Variants in DMD observed in about 807,000 individuals in gnomAD.
The protein encoded by DMD is mutant dystrophin.
A neutral mutation model predicts 330.1 loss-of-function variants in DMD; 63 were observed. That is an observed-to-expected ratio of 0.19 (90% confidence interval 0.16 to 0.24). DMD has a LOEUF of 0.24. Among genes scored for constraint, DMD ranks in the 10% least tolerant of loss-of-function variants. The pLI is 1.00. For synonymous variants in DMD, 1,223 were observed against 959.8 expected, an observed-to-expected ratio of 1.27 and a Z score of -5.07; for missense variants, 3,344 against 2,684.1, an observed-to-expected ratio of 1.25 and a Z score of -5.43.
At chrX:32,415,405 G>A (rs932448003) in intron 29 of DMD, among the ~76,000 whole-genome samples, 2 of 111,681 alleles carry the variant, frequency 1.8e-5, no homozygotes, top group African/African-American at 6.5e-5. Flanking sequence ...CTCAGTCATT[G>A]AAAAGACCTC....
chrX:32,325,730 C>A (rs181373804), intron 41 of DMD, among the ~76,000 whole-genome samples: 1 of 110,938 alleles, frequency 9.0e-6, no homozygotes, highest in Admixed American at 9.6e-5. Context: ...AATTTAACAG[C>A]CAATGGCTAA....
At chrX:31,126,802 G>GT in intron 77 of DMD, 129 bp from the exon 78 acceptor site, 5 of 152,963 alleles carry the variant, frequency 3.3e-5, no homozygotes, top group East Asian at 1.1e-4. Flanking sequence ...ATTCTCTGCT[G>GT]GAAAAAAAAA....
In DMD at chrX:33,076,411, T is replaced by A. The variant is rs1006827696; in HGVS notation, c.32-56211A>T. ...GTGGGCAAGGTGAACCTGATGGCAA[T>A]TGCAGTATGTATGTATACCCAACAT... On this transcript the variant is annotated intron_variant, in intron 1 of 78. Transcript: ENST00000357033. 3.2e-4 allele frequency among the ~76,000 whole-genome samples: 35 copies of A among 111,106 alleles called. 1 individual carries two copies. The Admixed American group carries it at 3.2e-3, about 10-fold the overall frequency.
chrX:32,125,755 T>C (rs1272456060), intron 44 of DMD, among the ~76,000 whole-genome samples: 2 of 111,948 alleles, frequency 1.8e-5, no homozygotes, highest in Non-Finnish European at 3.8e-5. Flanking sequence ...AACCACTCAC[T>C]GTGTAGATGA....
At chrX:32,477,819 G>A (rs1017185450) in intron 21 of DMD, among the ~76,000 whole-genome samples, 6 of 111,018 alleles carry the variant, frequency 5.4e-5, no homozygotes, top group Non-Finnish European at 7.6e-5. Flanking sequence ...GAAGGAAGAC[G>A]TAACTGTGCC....
rs148295886 is a variant in DMD, at chrX:31,879,132, C to G, written c.6913-3759G>C. The stretch of plus-strand genomic sequence containing the variant: ...GCATTACTGTATTAGTCTGCTCTCA[C>G]ACTGTTAACAAAGACATATCTGAGA... On this transcript the variant is annotated intron_variant, in intron 47 of 78. Transcript: ENST00000357033. 0.07 allele frequency among the ~76,000 whole-genome samples: 7,492 copies of G among 107,243 alleles called. 259 individuals carry two copies. The highest frequency in any genetic ancestry group is 0.11 in the Non-Finnish European group (5,552 of 52,092). The allele number at this position is 107,243 out of a possible 115,157, so 93.1% of individuals were successfully genotyped here.
At chrX:31,411,513 T>C (rs949564476) in intron 60 of DMD, among the ~76,000 whole-genome samples, 2 of 112,329 alleles carry the variant, frequency 1.8e-5, no homozygotes, top group South Asian at 7.4e-4. Flanking sequence ...TTGTATATAT[T>C]GGTCACTTTT....
At chrX:31,680,587 G>A (rs994284033) in intron 52 of DMD, among the ~76,000 whole-genome samples, 1 of 108,215 alleles carries the variant, frequency 9.2e-6, no homozygotes, top group African/African-American at 3.4e-5. Context: ...CATGTTGGCC[G>A]GGCTGGTCTC....
upstream of DMD, among the ~76,000 whole-genome samples, chrX:33,212,219 A>T (rs187374031): frequency 3.6e-5 from 4 of 112,387 alleles, no homozygotes; most frequent in East Asian, 8.4e-4. Flanking sequence ...TTATGCTAAA[A>T]CTTCTTTACT....
intron 11 of DMD, among the ~76,000 whole-genome samples, chrX:32,642,182 T>C (rs750187793): frequency 8.9e-6 from 1 of 111,983 alleles, no homozygotes; most frequent in Non-Finnish European, 1.9e-5. Context: ...GACTGTTATT[T>C]ATAAACTCTC....
intron 44 of DMD, among the ~76,000 whole-genome samples, chrX:31,977,754 C>T (rs1202133556): frequency 2.9e-5 from 3 of 104,781 alleles, no homozygotes; most frequent in Admixed American, 1.0e-4. Context: ...ACAATTGTGC[C>T]TCTCTTGTTG....
At chrX:31,705,558 G>A (rs919363102) in intron 52 of DMD, among the ~76,000 whole-genome samples, 1 of 112,931 alleles carries the variant, frequency 8.9e-6, no homozygotes, top group South Asian at 3.6e-4. Context: ...TGCATGTCGT[G>A]TCTGAAAATC....
At chrX:31,487,795 T>C (rs915458401) in intron 57 of DMD, among the ~76,000 whole-genome samples, 1 of 111,970 alleles carries the variant, frequency 8.9e-6, no homozygotes, top group Admixed American at 9.5e-5. Flanking sequence ...TTGTTTCAGA[T>C]AGTCAACAAC....
intron 49 of DMD, 52 bp downstream of exon 49, chrX:31,836,666 G>T: frequency 1.0e-6 from 1 of 983,471 alleles, no homozygotes; most frequent in African/African-American, 1.9e-5. Context: ...TACAACAGGG[G>T]AAGCATAACC....
intron 1 of DMD, among the ~76,000 whole-genome samples, chrX:33,309,713 G>A (rs759178586): frequency 8.8e-4 from 98 of 110,976 alleles, no homozygotes; most frequent in African/African-American, 2.9e-3. Flanking sequence ...TCACTCATTG[G>A]CCTTTTGTGA....
At chrX:32,969,027 C>CCAAAAAAAAAAAA (rs2092280100) in intron 2 of DMD, among the ~76,000 whole-genome samples, 6 of 19,823 alleles carry the variant, frequency 3.0e-4, no homozygotes, top group Admixed American at 9.7e-4. Context: ...GATTCTGTCT[C>CCAAAAAAAAAAAA]AAAAAAAAAA....
intron 7 of DMD, among the ~76,000 whole-genome samples, chrX:32,701,065 ATG>A (rs780846910): frequency 2.7e-5 from 3 of 112,175 alleles, no homozygotes; most frequent in Non-Finnish European, 3.8e-5. Flanking sequence ...TCAATTCTTA[ATG>A]TACATATGAA....
At chrX:31,744,160 A>AC (rs1010465355) in intron 51 of DMD, among the ~76,000 whole-genome samples, 17 of 111,933 alleles carry the variant, frequency 1.5e-4, no homozygotes, top group Non-Finnish European at 3.2e-4. Context: ...GAGCCACTGC[A>AC]CCCCACAAAG....
At chrX:32,300,759 G>A (rs750236286) in intron 42 of DMD, among the ~76,000 whole-genome samples, 4 of 110,963 alleles carry the variant, frequency 3.6e-5, no homozygotes, top group South Asian at 3.7e-4. Flanking sequence ...GTCAGGATAC[G>A]CTTTAGTGTT....
Sources: allele counts gnomAD v4.1 joint callset (sites outside exome capture counted in the v4.1 genomes callset), GRCh38; gene constraint gnomAD v4.1.1; transcripts MANE v1.5; gene names NCBI Gene and HGNC (gene_info 2026-07-23, HGNC 2026-07-21).